CYP46A1: variants seen among roughly 807,000 people sequenced by gnomAD.
The protein encoded by CYP46A1 is cholesterol 24-hydroxylase.
In CYP46A1, 20 loss-of-function variants were observed where a neutral mutation model predicts 63.3. The observed-to-expected ratio is 0.32, with a 90% CI of 0.22 to 0.46. The LOEUF (loss-of-function observed/expected upper bound fraction) is 0.46. Ranked by LOEUF, CYP46A1 falls within the 20% of genes least tolerant of loss-of-function variation. The pLI is 1.00. For synonymous variants in CYP46A1, 268 were observed against 273.6 expected (o/e 0.98, Z 0.20); for missense variants, 445 against 670.8 (o/e 0.66, Z 3.72).
intron 7 of CYP46A1, 73 bp downstream of exon 7, chr14:99,707,751 A>T: frequency 1.5e-6 from 2 of 1,304,626 alleles, no homozygotes; most frequent in Admixed American, 2.4e-5. Flanking sequence ...AACCTCCTTC[A>T]GTGATTTTTT....
intron 1 of CYP46A1, 129 bp from the exon 2 acceptor site, chr14:99,690,952 C>A: frequency 1.2e-6 from 1 of 810,418 alleles, no homozygotes; most frequent in Non-Finnish European, 2.1e-6. Context: ...GTCCCTGAGC[C>A]AGTGCTGTAA....
At chr14:99,699,964 C>CGGGGGGGG in intron 4 of CYP46A1, 51 bp from the exon 5 acceptor site, 1 of 773,854 alleles carries the variant, frequency 1.3e-6, no homozygotes, top group Non-Finnish European at 2.1e-6. Flanking sequence ...ATCAAGCAGT[C>CGGGGGGGG]GCTCCCCACC....
intron 5 of CYP46A1, among the ~76,000 whole-genome samples, chr14:99,702,696 A>G (rs566729579): frequency 1.3e-5 from 2 of 152,142 alleles, no homozygotes; most frequent in East Asian, 3.9e-4. Context: ...GTGTATATAC[A>G]TATATTTATA....
chr14:99,684,913 T>C, intron 1 of CYP46A1: 1 of 350,312 alleles, frequency 2.9e-6, no homozygotes, highest in Non-Finnish European at 5.7e-6. Context: ...AAGTGGGCGC[T>C]GTTAACTTTG....
chr14:99,713,328 G>C (rs1300069972), intron 7 of CYP46A1: 1 of 152,030 alleles, frequency 6.6e-6, no homozygotes, highest in Non-Finnish European at 1.5e-5. Flanking sequence ...TACTTGGGAG[G>C]CTGAGGCAGG....
intron 3 of CYP46A1, among the ~76,000 whole-genome samples, chr14:99,696,365 C>G (rs1442560821): frequency 6.6e-6 from 1 of 152,190 alleles, no homozygotes; most frequent in Non-Finnish European, 1.5e-5. Flanking sequence ...AAGCAATCCT[C>G]CCACCTCAGC....
chr14:99,701,606 G>A (rs148472257), intron 5 of CYP46A1, among the ~76,000 whole-genome samples: 324 of 152,242 alleles, frequency 2.1e-3, no homozygotes, highest in African/African-American at 7.6e-3. Flanking sequence ...TATCCTTGTC[G>A]TTAAGTAACA....
At chr14:99,708,439 C>T (rs2056699860) in intron 7 of CYP46A1, 1 of 164,298 alleles carries the variant, frequency 6.1e-6, no homozygotes, top group South Asian at 1.4e-4. Context: ...GCCACCAGCG[C>T]CTGCCACTGA....
Position 99,726,217 on chromosome 14 carries a change from C to G in CYP46A1, c.1293C>G (p.Ser431=), listed in dbSNP as rs2056895460. 6.2e-7 allele frequency: 1 copy of G among 1,613,846 alleles called. No individual in the cohort carries two copies. Among genetic ancestry groups the G allele is most frequent in the South Asian group, 1.1e-5 (1 of 91,076 alleles). Reference sequence around the variant, plus strand: ...CACGGTTCACCTACTTCCCCTTCTCCCTGGGCCACCGCTCCTGCATCGGGC... The same window carrying G: ...CACGGTTCACCTACTTCCCCTTCTCGCTGGGCCACCGCTCCTGCATCGGGC... The part of the protein sequence containing the change: ...PKPRFTYFPF[S]LGHRSCIGQQ... Residue 431 remains serine (S), a synonymous_variant, in exon 14 of 15, where the codon TCC becomes TCG. Coordinates refer to ENST00000261835, the MANE Select transcript of CYP46A1 (RefSeq NM_006668.2).
chr14:99,716,614 C>T (rs538001102), intron 9 of CYP46A1, among the ~76,000 whole-genome samples: 2 of 152,258 alleles, frequency 1.3e-5, no homozygotes, highest in Non-Finnish European at 1.5e-5. Context: ...CCTCGCATGC[C>T]TCCTCCCCAG....
At position 99,684,493 on chromosome 14, in the gene CYP46A1, G is replaced by T. The variant is rs1043554276; in HGVS notation, c.76G>T (p.Ala26Ser). The T allele has an allele frequency of 6.8e-7, 1 of 1,480,332 alleles. No individual in the cohort carries two copies. The allele number at this position is 1,480,332 out of a possible 1,614,324, so 91.7% of individuals were successfully genotyped here. ...FGLCCTFVHRARSRYEHIPGP... is the reference protein window; with the variant it reads ...FGLCCTFVHRSRSRYEHIPGP... ...CCTCTGCTGCACCTTCGTGCACCGC[G>T]CTCGCAGCCGCTACGAGCACATCCC... is the stretch of plus-strand genomic sequence containing the variant. Residue 26 changes from alanine (A) to serine (S), a missense_variant, in exon 1 of 15, where the codon GCT becomes TCT. Physicochemically the swap from Ala to Ser is moderately conservative, Grantham distance 99. Coordinates refer to ENST00000261835, the MANE Select transcript of CYP46A1 (RefSeq NM_006668.2).
At chr14:99,715,008 G>A (rs1464441924) in intron 7 of CYP46A1, among the ~76,000 whole-genome samples, 2 of 152,182 alleles carry the variant, frequency 1.3e-5, no homozygotes, top group African/African-American at 4.8e-5. Context: ...GGAAGGATGA[G>A]TGGGGGGATG....
chr14:99,726,047 G>A (rs1187017322), intron 13 of CYP46A1, 143 bp from the exon 14 acceptor site: 2 of 719,896 alleles, frequency 2.8e-6, no homozygotes, highest in Admixed American at 2.1e-5. Flanking sequence ...AGAGTCAGCG[G>A]TTCATGCTTT....
rs932569159 is a variant in CYP46A1 at position 99,701,962 on chromosome 14, C to T, written c.443+1861C>T. On this transcript the variant is annotated intron_variant, in intron 5 of 14. Transcript: ENST00000261835. ...GCGCATACCTGTAATCCCAGCTACG[C>T]GGGAGGCTAAGGTAGGATAATCACT... Among the ~76,000 whole-genome samples, 33 of 148,148 alleles carry T rather than the reference C, an allele frequency of 2.2e-4. 1 individual carries two copies. Among genetic ancestry groups the T allele is most frequent in the South Asian group, 4.3e-4 (2 of 4,598 alleles).
At chr14:99,717,882 C>T in intron 9 of CYP46A1, 172 bp from the exon 10 acceptor site, 1 of 541,558 alleles carries the variant, frequency 1.8e-6, no homozygotes, top group Non-Finnish European at 3.3e-6. Context: ...GTGAGCACCT[C>T]CCCGGGCCAA....
intron 5 of CYP46A1, chr14:99,703,507 C>G (rs979251321): frequency 1.2e-6 from 1 of 830,700 alleles, no homozygotes; most frequent in Non-Finnish European, 1.5e-6. Flanking sequence ...ACCCCTCCAA[C>G]CTTTGCATCC....
chr14:99,726,598 G>A lies in CYP46A1; in HGVS notation c.1374G>A (p.Leu458=), dbSNP rs2056901288. ...TCATGGCAAAGCTGCTGCAGAGGCT[G>A]GAGTTCCGGCTGGTGCCCGGGCAGC... ...KVVMAKLLQR[L]EFRLVPGQRF... Residue 458 remains leucine (L), a synonymous_variant, in exon 15 of 15, where the codon CTG becomes CTA. Coordinates refer to ENST00000261835, the MANE Select transcript of CYP46A1 (RefSeq NM_006668.2). The A allele has an allele frequency of 1.3e-6, 2 of 1,590,736 alleles. No homozygotes were observed. Among genetic ancestry groups the A allele is most frequent in the Non-Finnish European group, 1.7e-6 (2 of 1,170,240 alleles).
chr14:99,717,728 G>A, intron 9 of CYP46A1: 1 of 293,710 alleles, frequency 3.4e-6, no homozygotes, highest in Non-Finnish European at 6.4e-6. Context: ...CAGGGTCATG[G>A]GGGGCTTTTG....
intron 5 of CYP46A1, among the ~76,000 whole-genome samples, 163 bp downstream of exon 5, chr14:99,700,264 G>A (rs1426365206): frequency 6.6e-6 from 1 of 151,016 alleles, no homozygotes; most frequent in Non-Finnish European, 1.5e-5. Context: ...TAGTCAAAAG[G>A]GAGAGAGAGA....
Sources: allele counts gnomAD v4.1 joint callset (sites outside exome capture counted in the v4.1 genomes callset), GRCh38; gene constraint gnomAD v4.1.1; transcripts MANE v1.5; gene names NCBI Gene and HGNC (gene_info 2026-07-23, HGNC 2026-07-21).